The following SFSWAP variants were observed in gnomAD, a reference collection of about 807,000 sequenced individuals.
SFSWAP encodes splicing factor SWAP.
SFSWAP carries 17 observed loss-of-function variants against 100.7 expected under a neutral mutation model. The ratio of observed to expected loss-of-function variants is 0.17; its 90% CI spans 0.12 to 0.25. The LOEUF (loss-of-function observed/expected upper bound fraction) is 0.25, where lower values mean the gene tolerates loss of function less well. Ranked by LOEUF, SFSWAP falls within the 10% of genes least tolerant of loss-of-function variation. The pLI, the probability that SFSWAP is intolerant of heterozygous loss-of-function variation, is 1.00. For synonymous variants in SFSWAP, 504 were observed against 510.1 expected, an observed-to-expected ratio of 0.99 and a Z score of 0.16; for missense variants, 1,005 against 1,262.6, an observed-to-expected ratio of 0.80 and a Z score of 3.09.
intron 13 of SFSWAP, 58 bp downstream of exon 13, chr12:131,766,366 G>GACACATCCTCCCT: frequency 1.3e-6 from 2 of 1,501,666 alleles, no homozygotes; most frequent in Non-Finnish European, 1.8e-6. Flanking sequence ...GAGGCAGGGA[G>GACACATCCTCCCT]GATGTGTCTC....
chr12:131,714,942 CCAAA>C lies in SFSWAP; in HGVS notation c.512_515del (p.Lys171ArgfsTer10), dbSNP rs1877746851. On this transcript the variant is annotated frameshift_variant, in exon 3 of 18. Transcript: ENST00000261674. LOFTEE classifies it high-confidence loss of function. The surrounding 1 kb of genome is among the most constrained non-coding windows in gnomAD (Gnocchi z 6.0). ...GAGCCGACGGAGGAGGAGGAGCCTT[CCAAA>C]CAGAGAGGTGAGTGGGGAGCTGCCT... 1 of 1,613,838 alleles carries C rather than the reference CCAAA, an allele frequency of 6.2e-7. No homozygotes were observed. The highest frequency in any genetic ancestry group is 1.7e-5 in the Admixed American group (1 of 60,000).
intron 12 of SFSWAP, 25 bp from the exon 13 acceptor site, chr12:131,766,093 C>CT: frequency 3.2e-6 from 5 of 1,579,242 alleles, no homozygotes; most frequent in Non-Finnish European, 4.3e-6. Flanking sequence ...CTAAACTTCT[C>CT]TTTTTTCTTT....
chr12:131,755,915 A>T (rs1474059086), intron 10 of SFSWAP, among the ~76,000 whole-genome samples: 1 of 152,224 alleles, frequency 6.6e-6, no homozygotes, highest in East Asian at 1.9e-4. Context: ...CTGTGCCTGC[A>T]CGCCCTTCCC....
rs893583027 is a variant in SFSWAP at position 131,785,425 on chromosome 12, G to C, written c.2409-1038G>C. On this transcript the variant is annotated intron_variant, in intron 14 of 17. Transcript: ENST00000261674. ...TTTATTGTCATGAAAATGATTCAAC[G>C]TAGAACTTTTTCAAATGGCAAAATC... The C allele has an allele frequency of 1.2e-5, 6 of 480,908 alleles. No homozygotes were observed. The South Asian group carries it at 2.3e-4, about 19-fold the overall frequency. 29.8% of individuals were successfully genotyped at this position (480,908 alleles called of 1,614,324 possible). A position where few individuals can be genotyped will look rare whatever the true frequency, so the allele number is the denominator to read the frequency against.
At chr12:131,719,403 G>A in intron 3 of SFSWAP, 51 bp from the exon 4 acceptor site, 3 of 1,376,604 alleles carry the variant, frequency 2.2e-6, no homozygotes, top group South Asian at 1.2e-5. Context: ...CTGTTAGCAG[G>A]TGCCTTCCTC....
chr12:131,759,152 T>C (rs1319343302), intron 11 of SFSWAP, among the ~76,000 whole-genome samples: 2 of 152,282 alleles, frequency 1.3e-5, no homozygotes, highest in African/African-American at 2.4e-5. Context: ...TATGAGAACA[T>C]ATATTATTTT....
At chr12:131,767,018 G>A (rs933306947) in intron 13 of SFSWAP, among the ~76,000 whole-genome samples, 3 of 141,274 alleles carry the variant, frequency 2.1e-5, no homozygotes, top group East Asian at 2.2e-4. Flanking sequence ...GCTCCCATGC[G>A]TGTCCGAGAC....
rs1484772715 is a variant in SFSWAP at position 131,714,722 on chromosome 12, T to C, written c.389-100T>C. 5.7e-6 allele frequency: 6 copies of C among 1,050,758 alleles called. No individual in the cohort carries two copies. The highest frequency in any genetic ancestry group is 1.5e-5 in the South Asian group (1 of 64,568). The allele number at this position is 1,050,758 out of a possible 1,614,324, so 65.1% of individuals were successfully genotyped here. A position where few individuals can be genotyped will look rare whatever the true frequency, so the allele number is the denominator to read the frequency against. The stretch of plus-strand genomic sequence containing the variant: ...TACCTCAAAAGTAGGTTGAAAAAAG[T>C]ATGTTGTATGCTTTACTGATAGCTA... On this transcript the variant is annotated intron_variant, in intron 2 of 17. Transcript: ENST00000261674. The surrounding 1 kb of genome is among the most constrained non-coding windows in gnomAD (Gnocchi z 6.0).
intron 14 of SFSWAP, among the ~76,000 whole-genome samples, chr12:131,782,593 A>G (rs1295039436): frequency 1.3e-5 from 2 of 152,162 alleles, no homozygotes; most frequent in African/African-American, 4.8e-5. Context: ...AATATTTCTA[A>G]TTGGGTAGGA....
intron 13 of SFSWAP, among the ~76,000 whole-genome samples, chr12:131,776,828 G>A (rs558445017): frequency 1.1e-4 from 16 of 152,364 alleles, no homozygotes; most frequent in African/African-American, 3.8e-4. Context: ...AAATTCACTT[G>A]AAGTGAGGAG....
At chr12:131,798,891 GAA>G (rs745708733) in intron 16 of SFSWAP, 144 bp from the exon 17 acceptor site, 2,387 of 521,936 alleles carry the variant, frequency 4.6e-3, no homozygotes, top group South Asian at 5.5e-3. Context: ...CTCTTGTCTG[GAA>G]AAAAAAAAAA....
rs146882431 is a variant in SFSWAP, at chr12:131,795,664, C to T, written c.2535-1514C>T. On this transcript the variant is annotated intron_variant, in intron 15 of 17. Coordinates refer to ENST00000261674, the MANE Select transcript of SFSWAP (RefSeq NM_004592.4). Reference sequence around the variant, plus strand: ...AGGGCTTGGGGTAACTGGGCCTGTGCACAGGCCCTGGAGGTCTCCCTGGAA... The same window carrying T: ...AGGGCTTGGGGTAACTGGGCCTGTGTACAGGCCCTGGAGGTCTCCCTGGAA... Among the ~76,000 whole-genome samples the T allele has an allele frequency of 6.5e-3, 993 of 152,012 alleles. 13 individuals are homozygous for T. Among genetic ancestry groups the T allele is most frequent in the African/African-American group, 0.023 (946 of 41,492 alleles).
chr12:131,749,688 T>G (rs1881443702), intron 7 of SFSWAP, among the ~76,000 whole-genome samples: 1 of 152,182 alleles, frequency 6.6e-6, no homozygotes, highest in African/African-American at 2.4e-5. Context: ...TTAGAAGCAG[T>G]CCAGGCCGTG....
intron 6 of SFSWAP, among the ~76,000 whole-genome samples, chr12:131,727,333 A>C (rs1032444106): frequency 6.6e-6 from 1 of 152,198 alleles, no homozygotes; most frequent in Non-Finnish European, 1.5e-5. Context: ...TTCCAAGTAG[A>C]GTGTTGGTTA....
chr12:131,778,147 C>T lies in SFSWAP; in HGVS notation c.2225C>T (p.Ser742Leu), dbSNP rs113055685. 8.1e-5 allele frequency: 131 copies of T among 1,611,480 alleles called. No homozygotes were observed. Among genetic ancestry groups the T allele is most frequent in the Non-Finnish European group, 1.0e-4 (122 of 1,179,392 alleles). ...GAAGTTAAACCACCCGATAGGCCTT[C>T]GAGCAAAAGCAAAGATCCACCGAGA... ...TLEVKPPDRPSSKSKDPPREE... is the reference protein window; with the variant it reads ...TLEVKPPDRPLSKSKDPPREE... Residue 742 changes from serine (S) to leucine (L), a missense_variant, in exon 14 of 18, where the codon TCG becomes TTG. Coordinates refer to ENST00000261674, the MANE Select transcript of SFSWAP (RefSeq NM_004592.4). This position sits in a 1 kb window ranked among gnomAD's most constrained non-coding sequence, Gnocchi z 4.2.
intron 7 of SFSWAP, among the ~76,000 whole-genome samples, chr12:131,744,588 A>T (rs903547574): frequency 6.6e-6 from 1 of 152,172 alleles, no homozygotes; most frequent in African/African-American, 2.4e-5. Flanking sequence ...GGAAGTTCCA[A>T]ACTTTCCCTA....
At chr12:131,788,953 A>T (rs1319402611) in intron 15 of SFSWAP, among the ~76,000 whole-genome samples, 2 of 151,824 alleles carry the variant, frequency 1.3e-5, no homozygotes, top group East Asian at 3.9e-4. Flanking sequence ...AATGCCCACT[A>T]CCGAGATTTG....
intron 4 of SFSWAP, among the ~76,000 whole-genome samples, chr12:131,722,531 G>GT (rs1284892825): frequency 9.2e-5 from 14 of 152,328 alleles, no homozygotes; most frequent in African/African-American, 3.4e-4. Context: ...GATAGTTGCT[G>GT]TTGTGTGCAA....
In SFSWAP at chr12:131,799,532, T is replaced by C. The variant is rs747253142; in HGVS notation, c.*44T>C. The C allele has an allele frequency of 2.5e-6, 4 of 1,576,172 alleles. No homozygotes were observed. The African/African-American group carries it at 5.4e-5, about 21-fold the overall frequency. On this transcript the variant is annotated 3_prime_UTR_variant, in exon 18 of 18. Coordinates refer to ENST00000261674, the MANE Select transcript of SFSWAP (RefSeq NM_004592.4). ...AGAGCCGGGAGGCTGCGTGGGCTTC[T>C]GGGCAGGCTCACGCAGACGCCGGCC... is the stretch of plus-strand genomic sequence containing the variant.
Sources: gnomAD v4.1 joint callset for allele counts (sites outside exome capture counted in the v4.1 genomes callset) on GRCh38, gnomAD v4.1.1 for gene constraint, Gnocchi (gnomAD v3.1) non-coding constraint, MANE v1.5 for transcripts, NCBI Gene and HGNC (gene_info 2026-07-23, HGNC 2026-07-21) for gene names.